Variants in WWC1 observed in about 807,000 individuals in gnomAD.
WWC1 encodes the protein protein KIBRA.
Under a neutral mutation model 138.4 loss-of-function variants are expected in WWC1, and 55 were observed. That is an observed-to-expected ratio of 0.40 (90% confidence interval 0.32 to 0.50). WWC1 has a LOEUF of 0.50. Ranked by LOEUF, WWC1 falls within the 20% of genes least tolerant of loss-of-function variation. The pLI, the probability that WWC1 is intolerant of heterozygous loss-of-function variation, is 0.72. For synonymous variants in WWC1, 524 were observed against 564.9 expected (o/e 0.93, Z 1.03); for missense variants, 1,226 against 1,420.4 (o/e 0.86, Z 2.20).
chr5:168,384,884 T>G (rs1750441741), intron 2 of WWC1, among the ~76,000 whole-genome samples: 1 of 151,852 alleles, frequency 6.6e-6, no homozygotes, highest in Non-Finnish European at 1.5e-5. Context: ...TACTGGCTAA[T>G]TTTTGTATTT....
intron 1 of WWC1, among the ~76,000 whole-genome samples, chr5:168,342,596 G>A (rs1774129625): frequency 6.6e-6 from 1 of 152,180 alleles, no homozygotes; most frequent in Non-Finnish European, 1.5e-5. Flanking sequence ...AGAAACAGAT[G>A]TGGTGGGGGA....
intron 1 of WWC1, among the ~76,000 whole-genome samples, chr5:168,317,474 G>C (rs1425885729): frequency 1.3e-5 from 2 of 152,144 alleles, no homozygotes; most frequent in African/African-American, 4.8e-5. Context: ...CCCAGGGGTT[G>C]GCAGGATGGT....
chr5:168,453,724 T>G (rs1462154229), intron 17 of WWC1, among the ~76,000 whole-genome samples: 1 of 152,060 alleles, frequency 6.6e-6, no homozygotes, highest in Non-Finnish European at 1.5e-5. Context: ...TTTTGTATTT[T>G]TAGTAGAGAT....
At position 168,364,534 on chromosome 5, in the gene WWC1, G is replaced by A. The variant is rs747566116; in HGVS notation, c.120-6890G>A. On this transcript the variant is annotated intron_variant, in intron 1 of 22. Coordinates refer to ENST00000265293, the MANE Select transcript of WWC1 (RefSeq NM_015238.3). ...GTTTGGAGTGTGAGTCTTGTTCCCC[G>A]GCCAGACCCTCTGCCCCTGGAAGCA... Among the ~76,000 whole-genome samples, 96 of 152,176 alleles carry A rather than the reference G, an allele frequency of 6.3e-4. 2 individuals are homozygous for A. The highest frequency in any genetic ancestry group is 3.3e-4 in the Admixed American group (5 of 15,276).
At chr5:168,365,587 C>A (rs1433486386) in intron 1 of WWC1, among the ~76,000 whole-genome samples, 1 of 152,174 alleles carries the variant, frequency 6.6e-6, no homozygotes, top group Non-Finnish European at 1.5e-5. Context: ...GTCCTCACAG[C>A]CCGTAGGAAA....
In WWC1 at chr5:168,440,868, T is replaced by C. The variant is rs1009002722; in HGVS notation, c.2281-814T>C. Among the ~76,000 whole-genome samples, 7 of 152,302 alleles carry C rather than the reference T, an allele frequency of 4.6e-5. No individual in the cohort carries two copies. In the South Asian group the frequency reaches 1.4e-3, roughly 32 times the overall value. On this transcript the variant is annotated intron_variant, in intron 15 of 22. Transcript: ENST00000265293. ...TGTACACTCATGTTCATGGCAACAC[T>C]GCTCACAATAGTGAAGAGGTAGAAG... is the stretch of plus-strand genomic sequence containing the variant.
intron 15 of WWC1, among the ~76,000 whole-genome samples, chr5:168,439,818 G>T (rs28580654): frequency 6.6e-6 from 1 of 152,108 alleles, no homozygotes; most frequent in Admixed American, 6.5e-5. Flanking sequence ...AATTCCTTCC[G>T]TCGGGTTTCT....
intron 1 of WWC1, among the ~76,000 whole-genome samples, chr5:168,337,075 G>C (rs1200899812): frequency 6.6e-6 from 1 of 152,124 alleles, no homozygotes; most frequent in East Asian, 1.9e-4. Flanking sequence ...AGATCCAAGT[G>C]ACATCCTAAG....
intron 21 of WWC1, 65 bp from the exon 22 acceptor site, chr5:168,467,775 G>A (rs1398879850): frequency 5.0e-6 from 8 of 1,607,688 alleles, no homozygotes; most frequent in South Asian, 4.4e-5. Flanking sequence ...TTGTGATAGC[G>A]AGTTCTCCTT....
At chr5:168,419,812 G>A (rs896618276) in intron 9 of WWC1, among the ~76,000 whole-genome samples, 1 of 152,208 alleles carries the variant, frequency 6.6e-6, no homozygotes, top group African/African-American at 2.4e-5. Flanking sequence ...ACACCCTGGA[G>A]TCCACCCAAG....
In WWC1 at chr5:168,437,246, AT is replaced by A. The variant is rs540208132; in HGVS notation, c.2281-4435del. Among the ~76,000 whole-genome samples, 96 of 152,200 alleles carry A rather than the reference AT, an allele frequency of 6.3e-4. 1 individual carries two copies. Among genetic ancestry groups the A allele is most frequent in the Admixed American group, 3.7e-3 (56 of 15,292 alleles). On this transcript the variant is annotated intron_variant, in intron 15 of 22. Transcript: ENST00000265293. ...ATCCCATTACCCTCTCTGCTGTCTT[AT>A]CCCCTCCTAGCCCCTTTCCCTGTAG...
At chr5:168,368,598 G>A (rs1776504078) in intron 1 of WWC1, among the ~76,000 whole-genome samples, 1 of 152,162 alleles carries the variant, frequency 6.6e-6, no homozygotes, top group African/African-American at 2.4e-5. Flanking sequence ...GACCATGCCT[G>A]TTTCCCCACA....
chr5:168,320,673 C>T (rs961364067), intron 1 of WWC1, among the ~76,000 whole-genome samples: 1 of 152,130 alleles, frequency 6.6e-6, no homozygotes, highest in East Asian at 1.9e-4. Flanking sequence ...TGCCTTCATC[C>T]TCCCGGGATG....
intron 1 of WWC1, among the ~76,000 whole-genome samples, chr5:168,316,019 A>G (rs1416972375): frequency 6.6e-6 from 1 of 152,204 alleles, no homozygotes; most frequent in Non-Finnish European, 1.5e-5. Context: ...TTCCAGTCCC[A>G]GGGCTGACCC....
At chr5:168,339,606 A>G (rs1465564818) in intron 1 of WWC1, among the ~76,000 whole-genome samples, 1 of 152,122 alleles carries the variant, frequency 6.6e-6, no homozygotes, top group East Asian at 1.9e-4. Context: ...GTAAAGTGGG[A>G]AAAATACAGT....
chr5:168,445,012 CT>C (rs1232289127), intron 17 of WWC1, among the ~76,000 whole-genome samples: 2 of 152,132 alleles, frequency 1.3e-5, no homozygotes, highest in Non-Finnish European at 2.9e-5. Flanking sequence ...AAGTTTACTT[CT>C]TCTTCACTTA....
intron 1 of WWC1, among the ~76,000 whole-genome samples, chr5:168,339,584 G>A (rs986219454): frequency 2.6e-5 from 4 of 152,116 alleles, no homozygotes; most frequent in African/African-American, 9.7e-5. Flanking sequence ...GTAAGCCTCA[G>A]TTTCTTCATC....
chr5:168,393,869 A>T (rs1157338574), intron 3 of WWC1, among the ~76,000 whole-genome samples: 1 of 152,242 alleles, frequency 6.6e-6, no homozygotes, highest in Admixed American at 6.5e-5. Context: ...GCAGAATGTG[A>T]GGTTGAATTA....
intron 15 of WWC1, among the ~76,000 whole-genome samples, chr5:168,440,608 C>T (rs1754659352): frequency 6.6e-6 from 1 of 152,162 alleles, no homozygotes. Flanking sequence ...ACCTCCATCT[C>T]CTGAGTTCAA....
Sources: allele counts gnomAD v4.1 joint callset (sites outside exome capture counted in the v4.1 genomes callset), GRCh38; gene constraint gnomAD v4.1.1; transcripts MANE v1.5; gene names NCBI Gene and HGNC (gene_info 2026-07-23, HGNC 2026-07-21).